Variants in UST observed in about 807,000 individuals in gnomAD.
UST encodes chondroitin sulfate 2-O-sulfotransferase.
In UST, 21 loss-of-function variants were observed where a neutral mutation model predicts 45.6. The ratio of observed to expected loss-of-function variants is 0.46; its 90% confidence interval spans 0.33 to 0.66. The LOEUF is 0.66. Among genes scored for constraint, UST ranks in the 30% least tolerant of loss-of-function variants. The pLI is 0.02. For synonymous variants in UST, 215 were observed against 200.6 expected (o/e 1.07, Z -0.61); for missense variants, 463 against 512.4 (o/e 0.90, Z 0.93).
chr6:148,946,813 C>CAAAAAAA (rs60990121), intron 3 of UST, among the ~76,000 whole-genome samples: 1 of 56,856 alleles, frequency 1.8e-5, no homozygotes, highest in Non-Finnish European at 3.0e-5. Flanking sequence ...GACTCCATCC[C>CAAAAAAA]AAAAAAAAAA....
intron 5 of UST, among the ~76,000 whole-genome samples, chr6:148,981,512 A>G (rs553227168): frequency 6.6e-6 from 1 of 152,064 alleles, no homozygotes; most frequent in Non-Finnish European, 1.5e-5. Flanking sequence ...TTTACATCCC[A>G]TTGCCTCCGT....
At chr6:148,972,302 G>A (rs577569692) in intron 5 of UST, among the ~76,000 whole-genome samples, 2 of 152,290 alleles carry the variant, frequency 1.3e-5, no homozygotes, top group South Asian at 4.1e-4. Context: ...GGTGGGTGCT[G>A]TCTTTAGGGG....
chr6:148,923,959 C>T (rs1460517101), intron 2 of UST, among the ~76,000 whole-genome samples: 1 of 152,136 alleles, frequency 6.6e-6, no homozygotes, highest in Non-Finnish European at 1.5e-5. Context: ...GGTGATATTT[C>T]CTTCTGATGA....
intron 1 of UST, among the ~76,000 whole-genome samples, chr6:148,808,029 G>C (rs1777183510): frequency 6.6e-6 from 1 of 152,292 alleles, no homozygotes; most frequent in Admixed American, 6.5e-5. Context: ...GGGAAGCCAG[G>C]GTGGGAGGCA....
chr6:148,824,778 A>G (rs1318885599), intron 1 of UST, among the ~76,000 whole-genome samples: 4 of 139,732 alleles, frequency 2.9e-5, no homozygotes, highest in Non-Finnish European at 4.6e-5. Flanking sequence ...CGCTGCACCC[A>G]CTAACGTGTC....
At chr6:148,773,825 C>T (rs890613616) in intron 1 of UST, among the ~76,000 whole-genome samples, 2 of 152,150 alleles carry the variant, frequency 1.3e-5, no homozygotes, top group Admixed American at 1.3e-4. Flanking sequence ...CAAAGACTTC[C>T]AGCGGGATGG....
intron 1 of UST, among the ~76,000 whole-genome samples, chr6:148,826,891 TG>T (rs1644027702): frequency 6.6e-6 from 1 of 152,194 alleles, no homozygotes; most frequent in South Asian, 2.1e-4. Context: ...TTACTGACCC[TG>T]CTCCCATCAT....
intron 5 of UST, among the ~76,000 whole-genome samples, chr6:149,002,771 T>G (rs983705454): frequency 2.0e-5 from 3 of 152,196 alleles, no homozygotes; most frequent in African/African-American, 7.2e-5. Flanking sequence ...CATCCCAAAG[T>G]GCTGGGATTA....
rs1775929949 is a variant in UST, at chr6:148,748,776, G to A, written c.247+1099G>A. Among the ~76,000 whole-genome samples the A allele has an allele frequency of 6.6e-6, 1 of 152,080 alleles. No homozygotes were observed. The highest frequency in any genetic ancestry group is 1.5e-5 in the Non-Finnish European group (1 of 67,998). On this transcript the variant is annotated intron_variant, in intron 1 of 7. Coordinates refer to ENST00000367463, the MANE Select transcript of UST (RefSeq NM_005715.3). The surrounding 1 kb of genome is among the most constrained non-coding windows in gnomAD (Gnocchi z 5.3). The stretch of plus-strand genomic sequence containing the variant: ...GCATCTGCACGATGAGAGCGAGTGC[G>A]GGGAAGCAGAGCCACCGAAGTGCTG...
chr6:148,982,411 T>C (rs1157773718), intron 5 of UST, among the ~76,000 whole-genome samples: 1 of 152,152 alleles, frequency 6.6e-6, no homozygotes, highest in African/African-American at 2.4e-5. Context: ...TCAAGCCCTT[T>C]TGTAAGGCCA....
intron 7 of UST, among the ~76,000 whole-genome samples, chr6:149,070,590 G>C (rs1776805102): frequency 6.6e-6 from 1 of 152,116 alleles, no homozygotes; most frequent in African/African-American, 2.4e-5. Context: ...GAGGCTGTTG[G>C]CCACATAGAG....
At chr6:148,775,344 G>T (rs1487039719) in intron 1 of UST, among the ~76,000 whole-genome samples, 1 of 152,188 alleles carries the variant, frequency 6.6e-6, no homozygotes, top group Admixed American at 6.5e-5. Context: ...GTTGTGTGGA[G>T]AAGGGGAAGT....
intron 2 of UST, among the ~76,000 whole-genome samples, chr6:148,896,196 T>A (rs1779125857): frequency 6.6e-6 from 1 of 152,234 alleles, no homozygotes; most frequent in Non-Finnish European, 1.5e-5. Flanking sequence ...GTATACACAG[T>A]CTCCTTTGGT....
chr6:148,939,438 C>T (rs568992782), intron 2 of UST, among the ~76,000 whole-genome samples: 107 of 152,278 alleles, frequency 7.0e-4, no homozygotes, highest in African/African-American at 2.5e-3. Flanking sequence ...TTACCCTTCC[C>T]TTCCCAATTT....
chr6:148,975,479 ATCT>A (rs1780997779), intron 5 of UST, among the ~76,000 whole-genome samples: 1 of 152,212 alleles, frequency 6.6e-6, no homozygotes, highest in Admixed American at 6.5e-5. Flanking sequence ...TCTCCAGTTC[ATCT>A]TCTTCCAATC....
At chr6:149,001,043 G>T (rs138677639) in intron 5 of UST, among the ~76,000 whole-genome samples, 2 of 150,116 alleles carry the variant, frequency 1.3e-5, no homozygotes, top group East Asian at 3.9e-4. Flanking sequence ...GCAATTAAAG[G>T]ACAAAATATT....
intron 5 of UST, among the ~76,000 whole-genome samples, chr6:149,013,173 A>G (rs1248424691): frequency 1.3e-5 from 2 of 152,226 alleles, no homozygotes; most frequent in African/African-American, 4.8e-5. Flanking sequence ...AATGCAGAGT[A>G]AAAGCCTTGT....
chr6:148,898,025 A>G (rs1042549989), intron 2 of UST, among the ~76,000 whole-genome samples: 11 of 152,202 alleles, frequency 7.2e-5, no homozygotes, highest in Non-Finnish European at 1.5e-4. Flanking sequence ...AAATCCTACA[A>G]AAGTACAAAA....
At chr6:148,895,919 C>G (rs1472882894) in intron 2 of UST, among the ~76,000 whole-genome samples, 3 of 152,184 alleles carry the variant, frequency 2.0e-5, no homozygotes, top group Non-Finnish European at 4.4e-5. Flanking sequence ...TTTTTTTCCC[C>G]TTTTAATAAC....
Sources: gnomAD v4.1 joint callset for allele counts (sites outside exome capture counted in the v4.1 genomes callset) on GRCh38, gnomAD v4.1.1 for gene constraint, Gnocchi (gnomAD v3.1) non-coding constraint, MANE v1.5 for transcripts, NCBI Gene and HGNC (gene_info 2026-07-23, HGNC 2026-07-21) for gene names.